The following CPXM2 variants were observed in gnomAD, a reference collection of about 807,000 sequenced individuals.
CPXM2 encodes the protein carboxypeptidase X, M14 family member 2.
CPXM2 carries 66 observed loss-of-function variants against 86.1 expected under a neutral mutation model. The ratio of observed to expected loss-of-function variants is 0.77; its 90% CI spans 0.63 to 0.94. The LOEUF (loss-of-function observed/expected upper bound fraction) is 0.94. Ranked by LOEUF, CPXM2 falls within the 40% of genes least tolerant of loss-of-function variation. The pLI is 0.00. For missense variants in CPXM2, 948 were observed against 1,026.3 expected (o/e 0.92, Z 1.04); for synonymous variants, 388 against 400.2 (o/e 0.97, Z 0.36).
intron 11 of CPXM2, 147 bp downstream of exon 11, chr10:123,761,725 G>C (rs1846342679): frequency 4.2e-6 from 3 of 715,622 alleles, no homozygotes; most frequent in Non-Finnish European, 7.0e-6. Flanking sequence ...GTTGTGCTTA[G>C]GAAAGTGCTG....
chr10:123,887,768 T>C (rs1417815268), intron 1 of CPXM2, among the ~76,000 whole-genome samples: 1 of 152,158 alleles, frequency 6.6e-6, no homozygotes, highest in Non-Finnish European at 1.5e-5. Context: ...CCTGCCAAGA[T>C]TGAAGTATCT....
chr10:123,798,031 C>T lies in CPXM2; in HGVS notation c.834G>A (p.Trp278Ter). The T allele has an allele frequency of 6.2e-7, 1 of 1,611,384 alleles. No homozygotes were observed. The highest frequency in any genetic ancestry group is 1.3e-5 in the African/African-American group (1 of 74,870). Reference protein sequence around the residue: ...ARYIRINPQSWFDNGSICMRM... With the variant: ...ARYIRINPQS The stretch of plus-strand genomic sequence containing the variant: ...TCATGCAGATGCTCCCATTATCAAA[C>T]CAGGACTGAGGGTTTATGCGGATGT... Residue 278 changes from tryptophan to a stop codon, truncating the protein, a stop_gained, in exon 6 of 14, where the codon TGG (tryptophan) becomes TGA (stop). Transcript: ENST00000241305. LOFTEE classifies it high-confidence loss of function.
At chr10:123,820,863 G>A (rs931366328) in intron 4 of CPXM2, among the ~76,000 whole-genome samples, 4 of 152,320 alleles carry the variant, frequency 2.6e-5, no homozygotes, top group Admixed American at 1.3e-4. Context: ...TTGGACTCAC[G>A]TGGATAATTC....
chr10:123,886,527 GACAC>G (rs1945180634), intron 1 of CPXM2, among the ~76,000 whole-genome samples: 1 of 152,152 alleles, frequency 6.6e-6, no homozygotes, highest in South Asian at 2.1e-4. Flanking sequence ...TCTGAGCACA[GACAC>G]ACAAACAAAC....
intron 13 of CPXM2, chr10:123,752,357 T>C (rs1846097695): frequency 4.1e-6 from 4 of 984,944 alleles, no homozygotes; most frequent in African/African-American, 3.5e-5. Context: ...TGACAAATGG[T>C]AGGAATGTTC....
intron 2 of CPXM2, among the ~76,000 whole-genome samples, chr10:123,877,115 G>C (rs1225686854): frequency 6.6e-6 from 1 of 152,220 alleles, no homozygotes; most frequent in African/African-American, 2.4e-5. Flanking sequence ...ACAAAGGGAA[G>C]CAGAGGCCAG....
rs1175421421 is a variant in CPXM2, at chr10:123,843,122, T to A, written c.514-634A>T. The A allele has an allele frequency of 5.5e-5, 15 of 270,814 alleles. No homozygotes were observed. In the Admixed American group the frequency reaches 7.8e-4, roughly 14 times the overall value. The allele number at this position is 270,814 out of a possible 1,614,324, so 16.8% of individuals were successfully genotyped here. On this transcript the variant is annotated intron_variant, in intron 3 of 13. Transcript: ENST00000241305. ...AGCTGCTATTACTACCAAAAATTCT[T>A]TTTTTTTTTTTCAGAGATGGAGTCT...
At chr10:123,831,079 C>T (rs569709069) in intron 4 of CPXM2, among the ~76,000 whole-genome samples, 3 of 152,268 alleles carry the variant, frequency 2.0e-5, no homozygotes, top group South Asian at 4.1e-4. Context: ...GGAGGAAATG[C>T]TGTAAACTTA....
At position 123,815,539 on chromosome 10, in the gene CPXM2, A is replaced by C. The variant is rs2134100977; in HGVS notation, c.654-16340T>G. Among the ~76,000 whole-genome samples, 5 of 152,276 alleles carry C rather than the reference A, an allele frequency of 3.3e-5. 2 individuals carry two copies. Among genetic ancestry groups the C allele is most frequent in the Admixed American group, 3.3e-4 (5 of 15,284 alleles). The stretch of plus-strand genomic sequence containing the variant: ...TTTTGCCAGAAGGAACAGCTTCCCC[A>C]TACCCAGTAGTGGCAACATCCCCTC... On this transcript the variant is annotated intron_variant, in intron 4 of 13. Coordinates refer to ENST00000241305, the MANE Select transcript of CPXM2 (RefSeq NM_198148.3).
At chr10:123,790,728 CG>C (rs969933825) in intron 6 of CPXM2, among the ~76,000 whole-genome samples, 1 of 152,064 alleles carries the variant, frequency 6.6e-6, no homozygotes, top group African/African-American at 2.4e-5. Context: ...CCAAGAGAGA[CG>C]GGGGCAGCAA....
At chr10:123,768,207 C>T (rs1846531941) in intron 9 of CPXM2, among the ~76,000 whole-genome samples, 1 of 151,948 alleles carries the variant, frequency 6.6e-6, no homozygotes, top group Non-Finnish European at 1.5e-5. Flanking sequence ...GGCCAACCTC[C>T]TCTCTACTAA....
chr10:123,893,303 G>T (rs977284404), upstream of CPXM2, among the ~76,000 whole-genome samples: 1 of 152,202 alleles, frequency 6.6e-6, no homozygotes. Flanking sequence ...CCAGGGCAAG[G>T]CCTCACCATT....
At chr10:123,929,195 A>C (rs576109243) in intron 2 of CPXM2, among the ~76,000 whole-genome samples, 170 of 152,312 alleles carry the variant, frequency 1.1e-3, no homozygotes, top group Non-Finnish European at 2.0e-3. Context: ...TGCAAACTGG[A>C]CTGCTTTTGG....
chr10:123,843,133 T>C (rs1363392914), intron 3 of CPXM2: 1 of 318,454 alleles, frequency 3.1e-6, no homozygotes, highest in Non-Finnish European at 6.0e-6. Context: ...TTTTTTTTTT[T>C]CAGAGATGGA....
intron 2 of CPXM2, among the ~76,000 whole-genome samples, chr10:123,879,063 C>T (rs986613339): frequency 6.6e-6 from 1 of 152,158 alleles, no homozygotes; most frequent in African/African-American, 2.4e-5. Flanking sequence ...TGCACGCCTG[C>T]CCACTTTAAG....
intron 2 of CPXM2, among the ~76,000 whole-genome samples, chr10:123,910,107 C>G (rs946389273): frequency 1.3e-5 from 2 of 152,106 alleles, no homozygotes; most frequent in Admixed American, 1.3e-4. Context: ...TAATGGCAGA[C>G]AGAGGCTGGA....
rs1846230537 is a variant in CPXM2 at position 123,757,064 on chromosome 10, T to C, written c.1917+149A>G. On this transcript the variant is annotated intron_variant, in intron 12 of 13. Coordinates refer to ENST00000241305, the MANE Select transcript of CPXM2 (RefSeq NM_198148.3). ...CTCTTCCCTGAGGCCTGCTCAAGTG[T>C]CAACACACAGTGGCTCCTCGCAGCA... 4.3e-6 allele frequency: 3 copies of C among 704,932 alleles called. No individual in the cohort carries two copies. In the African/African-American group the frequency reaches 5.3e-5, roughly 13 times the overall value. 43.7% of individuals were successfully genotyped at this position (704,932 alleles called of 1,614,324 possible). A position where few individuals can be genotyped will look rare whatever the true frequency, so the allele number is the denominator to read the frequency against.
intron 2 of CPXM2, among the ~76,000 whole-genome samples, chr10:123,908,162 AGGG>A (rs1387107076): frequency 6.6e-6 from 1 of 151,610 alleles, no homozygotes; most frequent in Admixed American, 6.6e-5. Context: ...GAAGGGAAGA[AGGG>A]GACAGATTCA....
At chr10:123,894,064 C>G (rs1945314206), upstream of CPXM2, among the ~76,000 whole-genome samples, 1 of 152,258 alleles carries the variant, frequency 6.6e-6, no homozygotes, top group African/African-American at 2.4e-5. Flanking sequence ...TCTTCTCCCT[C>G]TCATTTTACA....
Sources: gnomAD v4.1 joint callset for allele counts (sites outside exome capture counted in the v4.1 genomes callset) on GRCh38, gnomAD v4.1.1 for gene constraint, MANE v1.5 for transcripts, NCBI Gene and HGNC (gene_info 2026-07-23, HGNC 2026-07-21) for gene names.